Variants in SLC35F3 observed in about 807,000 individuals in gnomAD.
The protein encoded by SLC35F3 is putative thiamine transporter SLC35F3.
Under a neutral mutation model 49.9 loss-of-function variants are expected in SLC35F3, and 25 were observed. The ratio of observed to expected loss-of-function variants is 0.50; its 90% CI spans 0.37 to 0.70. The LOEUF (loss-of-function observed/expected upper bound fraction) is 0.70. Ranked by LOEUF, SLC35F3 falls within the 30% of genes least tolerant of loss-of-function variation. SLC35F3 has a pLI of 0.00. For synonymous variants in SLC35F3, 275 were observed against 265.4 expected (o/e 1.04, Z -0.35); for missense variants, 525 against 639.8 (o/e 0.82, Z 1.94).
chr1:233,925,713 G>A (rs1315180306), intron 2 of SLC35F3, among the ~76,000 whole-genome samples: 2 of 152,220 alleles, frequency 1.3e-5, no homozygotes, highest in Admixed American at 1.3e-4. Context: ...AGTTGATGCA[G>A]TTTCTTCCTA....
At chr1:234,212,219 G>A (rs543715710) in intron 2 of SLC35F3, among the ~76,000 whole-genome samples, 3 of 152,256 alleles carry the variant, frequency 2.0e-5, no homozygotes, top group African/African-American at 7.2e-5. Context: ...AAACAGACTA[G>A]TACAACTTGT....
At chr1:234,098,588 G>T (rs1430771018) in intron 2 of SLC35F3, among the ~76,000 whole-genome samples, 1 of 150,804 alleles carries the variant, frequency 6.6e-6, no homozygotes, top group Non-Finnish European at 1.5e-5. Flanking sequence ...GATGGCGGTG[G>T]TAGTGACAGT....
At chr1:234,300,511 C>T (rs1231533089) in intron 3 of SLC35F3, among the ~76,000 whole-genome samples, 1 of 152,146 alleles carries the variant, frequency 6.6e-6, no homozygotes, top group East Asian at 1.9e-4. Context: ...GCTATGAGGA[C>T]ATAATATGAA....
At chr1:233,946,545 A>T (rs1348819915) in intron 2 of SLC35F3, among the ~76,000 whole-genome samples, 1 of 152,172 alleles carries the variant, frequency 6.6e-6, no homozygotes, top group African/African-American at 2.4e-5. Context: ...TTCTTATTAA[A>T]TTTTTTTCTT....
At chr1:234,105,847 G>A (rs1206136328) in intron 2 of SLC35F3, among the ~76,000 whole-genome samples, 1 of 152,160 alleles carries the variant, frequency 6.6e-6, no homozygotes, top group East Asian at 1.9e-4. Flanking sequence ...CTAATAAAAC[G>A]TAAATGGAGA....
chr1:234,124,424 C>A (rs1367725855), intron 2 of SLC35F3, among the ~76,000 whole-genome samples: 1 of 152,226 alleles, frequency 6.6e-6, no homozygotes, highest in East Asian at 1.9e-4. Flanking sequence ...GTCTGACTTT[C>A]TTCTTCCTCT....
chr1:233,939,689 T>C (rs557627910), intron 2 of SLC35F3, among the ~76,000 whole-genome samples: 1 of 152,142 alleles, frequency 6.6e-6, no homozygotes, highest in African/African-American at 2.4e-5. Context: ...GCCTTAACCA[T>C]GGACAGTGCT....
chr1:233,941,377 T>C (rs987898696), intron 2 of SLC35F3, among the ~76,000 whole-genome samples: 1 of 152,222 alleles, frequency 6.6e-6, no homozygotes, highest in Admixed American at 6.5e-5. Flanking sequence ...AAGGGATATG[T>C]CTTTAAGGCT....
chr1:234,067,345 G>C (rs1664637368), intron 2 of SLC35F3, among the ~76,000 whole-genome samples: 1 of 152,090 alleles, frequency 6.6e-6, no homozygotes, highest in Non-Finnish European at 1.5e-5. Context: ...ACTATATTAG[G>C]ATAATATCCC....
At chr1:233,995,327 G>A (rs1349711560) in intron 2 of SLC35F3, among the ~76,000 whole-genome samples, 1 of 152,172 alleles carries the variant, frequency 6.6e-6, no homozygotes, top group Non-Finnish European at 1.5e-5. Flanking sequence ...GGCAGAGAAT[G>A]GTTTGTTGTG....
intron 2 of SLC35F3, among the ~76,000 whole-genome samples, chr1:234,162,853 T>C (rs191726364): frequency 1.3e-5 from 2 of 152,190 alleles, no homozygotes; most frequent in Non-Finnish European, 1.5e-5. Context: ...CATATTTCTC[T>C]CAGGAATTCA....
At chr1:234,211,934 G>C (rs1290020626) in intron 2 of SLC35F3, among the ~76,000 whole-genome samples, 1 of 152,130 alleles carries the variant, frequency 6.6e-6, no homozygotes, top group Admixed American at 6.5e-5. Flanking sequence ...CATATGTTGT[G>C]GGAGGGACCC....
intron 2 of SLC35F3, among the ~76,000 whole-genome samples, chr1:233,931,934 A>G (rs1054022853): frequency 2.6e-5 from 4 of 152,240 alleles, no homozygotes; most frequent in Non-Finnish European, 2.9e-5. Flanking sequence ...AAAATGTGGC[A>G]CATATACACC....
In SLC35F3 at chr1:234,134,879, G is replaced by T. The variant is rs189027472; in HGVS notation, c.284-96538G>T. Among the ~76,000 whole-genome samples the T allele has an allele frequency of 9.8e-4, 149 of 152,198 alleles. 2 individuals carry two copies. Among genetic ancestry groups the T allele is most frequent in the African/African-American group, 3.2e-3 (134 of 41,528 alleles). ...TGGCATTACAGGCATGTGCCACCACGCCCGGATAATTTTTGTATTTTTAGT... is the reference window on the plus strand; with the variant it reads ...TGGCATTACAGGCATGTGCCACCACTCCCGGATAATTTTTGTATTTTTAGT... On this transcript the variant is annotated intron_variant, in intron 2 of 7. Transcript: ENST00000366618.
Position 234,170,018 on chromosome 1 carries a change from C to T in SLC35F3, c.284-61399C>T, listed in dbSNP as rs372880025. On this transcript the variant is annotated intron_variant, in intron 2 of 7. Transcript: ENST00000366618. ...TCCTGACCTCATGATCCGCCTGCCT[C>T]GGCCTCCCAAAATGCTGGGATTACA... Among the ~76,000 whole-genome samples, 135 of 152,250 alleles carry T rather than the reference C, an allele frequency of 8.9e-4. No individual in the cohort carries two copies. The South Asian group carries it at 0.022, about 25-fold the overall frequency.
At chr1:234,255,110 A>G (rs1302880091) in intron 3 of SLC35F3, among the ~76,000 whole-genome samples, 1 of 152,246 alleles carries the variant, frequency 6.6e-6, no homozygotes. Flanking sequence ...TATTTACAAA[A>G]CATCTGATGA....
chr1:234,222,553 C>T (rs1054860459), intron 2 of SLC35F3, among the ~76,000 whole-genome samples: 1 of 152,178 alleles, frequency 6.6e-6, no homozygotes, highest in African/African-American at 2.4e-5. Context: ...CTCCCCCATC[C>T]CCCCATAGCT....
At chr1:234,028,756 C>A (rs1208454251) in intron 2 of SLC35F3, among the ~76,000 whole-genome samples, 1 of 152,200 alleles carries the variant, frequency 6.6e-6, no homozygotes, top group East Asian at 1.9e-4. Flanking sequence ...AAAGTGGCAT[C>A]TCTTCCTATA....
chr1:234,139,922 T>C (rs1193076131), intron 2 of SLC35F3, among the ~76,000 whole-genome samples: 1 of 107,250 alleles, frequency 9.3e-6, no homozygotes, highest in Admixed American at 1.1e-4. Flanking sequence ...CACTCCAGCC[T>C]GGCAACAGAG....
Sources: gnomAD v4.1 joint callset for allele counts (sites outside exome capture counted in the v4.1 genomes callset) on GRCh38, gnomAD v4.1.1 for gene constraint, MANE v1.5 for transcripts, NCBI Gene and HGNC (gene_info 2026-07-23, HGNC 2026-07-21) for gene names.